The following PLEKHA5 variants were observed in gnomAD, a reference collection of about 807,000 sequenced individuals.
PLEKHA5 encodes pleckstrin homology domain-containing family A member 5.
Under a neutral mutation model 181.9 loss-of-function variants are expected in PLEKHA5, and 55 were observed. That is an observed-to-expected ratio of 0.30 (90% CI 0.24 to 0.38). The LOEUF (loss-of-function observed/expected upper bound fraction) is 0.38, where lower values mean the gene tolerates loss of function less well. PLEKHA5 is among the 10% of genes least tolerant of loss of function. The probability of loss-of-function intolerance (pLI) is 1.00; values close to 1 mark genes in which losing one functional copy is unlikely to be tolerated. For missense variants in PLEKHA5, 1,432 were observed against 1,549.5 expected (o/e 0.92, Z 1.27); for synonymous variants, 535 against 529.4 (o/e 1.01, Z -0.15).
chr12:19,203,440 A>G (rs1484149208), intron 3 of PLEKHA5, among the ~76,000 whole-genome samples: 2 of 152,042 alleles, frequency 1.3e-5, no homozygotes, highest in Non-Finnish European at 2.9e-5. Context: ...CGCATTGTCA[A>G]TACAAGTTCT....
In PLEKHA5 at chr12:19,353,058, G is replaced by C. The variant is rs992436456; in HGVS notation, c.3020-826G>C. On this transcript the variant is annotated intron_variant, in intron 25 of 31. Coordinates refer to ENST00000429027, the MANE Select transcript of PLEKHA5 (RefSeq NM_001256470.2). ...CCGCCTCAGCCTCCCAAAGTGCTAGGATTACAGGCATGAACAGAATTTTGT... is the reference window on the plus strand; with the variant it reads ...CCGCCTCAGCCTCCCAAAGTGCTAGCATTACAGGCATGAACAGAATTTTGT... Among the ~76,000 whole-genome samples, 21 of 151,988 alleles carry C rather than the reference G, an allele frequency of 1.4e-4. 1 individual carries two copies. The East Asian group carries it at 1.7e-3, about 13-fold the overall frequency.
rs1039255235 is a variant in PLEKHA5, at chr12:19,246,053, A to G, written c.228-7887A>G. Among the ~76,000 whole-genome samples the G allele has an allele frequency of 2.7e-5, 4 of 145,592 alleles. No homozygotes were observed. The Admixed American group carries it at 2.8e-4, about 10-fold the overall frequency. On this transcript the variant is annotated intron_variant, in intron 3 of 31. Transcript: ENST00000429027. ...TAGTGTAGTGGCATGATCTTGGCTC[A>G]CTGCACGCTCCATCTCCCAGGTTCA...
chr12:19,171,537 C>T (rs1014897925), intron 3 of PLEKHA5, among the ~76,000 whole-genome samples: 10 of 151,968 alleles, frequency 6.6e-5, no homozygotes, highest in African/African-American at 1.7e-4. Context: ...GGCGGTACCT[C>T]GGCAGAGACA....
rs148625566 is a variant in PLEKHA5 at position 19,324,092 on chromosome 12, C to G, written c.2448+1425C>G. ...ACTGCTCCCAAACCCTTGTCTGTAC[C>G]TTCAATGGGCTAGGGAGCAGCTATC... On this transcript the variant is annotated intron_variant, in intron 20 of 31. Transcript: ENST00000429027. 1.1e-3 allele frequency among the ~76,000 whole-genome samples: 174 copies of G among 152,208 alleles called. 1 individual carries two copies. The highest frequency in any genetic ancestry group is 4.0e-3 in the African/African-American group (167 of 41,542).
At chr12:19,310,840 T>C (rs996596405) in intron 15 of PLEKHA5, among the ~76,000 whole-genome samples, 1 of 152,138 alleles carries the variant, frequency 6.6e-6, no homozygotes, top group Non-Finnish European at 1.5e-5. Context: ...TGTATTCTGT[T>C]AAATGTGCAA....
At chr12:19,355,915 CT>C (rs2094901054) in intron 26 of PLEKHA5, among the ~76,000 whole-genome samples, 1 of 151,960 alleles carries the variant, frequency 6.6e-6, no homozygotes, top group African/African-American at 2.4e-5. Context: ...CATCCCAGCA[CT>C]TTGAGAGGCC....
intron 3 of PLEKHA5, among the ~76,000 whole-genome samples, chr12:19,181,378 G>A (rs932349328): frequency 1.3e-5 from 2 of 152,334 alleles, no homozygotes; most frequent in Non-Finnish European, 2.9e-5. Flanking sequence ...GTATAGCATT[G>A]AAATAAAGAT....
chr12:19,147,130 G>C (rs1429982374), intron 3 of PLEKHA5: 1 of 152,198 alleles, frequency 6.6e-6, no homozygotes, highest in African/African-American at 2.4e-5. Context: ...CCTGCTCAGA[G>C]TGGTTTAGAA....
intron 3 of PLEKHA5, among the ~76,000 whole-genome samples, chr12:19,202,816 C>T (rs12372773): frequency 0.84 from 127,638 of 152,010 alleles, 55,028 homozygotes; most frequent in Non-Finnish European, 0.95. Flanking sequence ...AAGTCATGAG[C>T]GAGATCCACC....
intron 16 of PLEKHA5, among the ~76,000 whole-genome samples, chr12:19,315,439 A>G (rs2088255566): frequency 6.6e-6 from 1 of 152,120 alleles, no homozygotes; most frequent in African/African-American, 2.4e-5. Context: ...ACCATTCTCA[A>G]GCAGTCGTCA....
chr12:19,369,615 G>T, intron 30 of PLEKHA5, 78 bp from the exon 31 acceptor site: 1 of 758,518 alleles, frequency 1.3e-6, no homozygotes, highest in Non-Finnish European at 2.2e-6. Flanking sequence ...ATTTTTGTGG[G>T]ATTACAGCAT....
In PLEKHA5 at chr12:19,200,509, A is replaced by T. The variant is rs935770834; in HGVS notation, c.228-53431A>T. The T allele has an allele frequency of 3.7e-5, 50 of 1,361,704 alleles. No individual in the cohort carries two copies. The African/African-American group carries it at 7.0e-4, about 19-fold the overall frequency. The allele number at this position is 1,361,704 out of a possible 1,614,324, so 84.4% of individuals were successfully genotyped here. On this transcript the variant is annotated intron_variant, in intron 3 of 31. Coordinates refer to ENST00000429027, the MANE Select transcript of PLEKHA5 (RefSeq NM_001256470.2). ...CCTATTCTCCATAACAAATGTTCCA[A>T]ATCTTTGATTACTCACCTCAGAATG... is the stretch of plus-strand genomic sequence containing the variant.
At chr12:19,302,293 C>G (rs956550074) in intron 15 of PLEKHA5, among the ~76,000 whole-genome samples, 1 of 152,220 alleles carries the variant, frequency 6.6e-6, no homozygotes, top group African/African-American at 2.4e-5. Flanking sequence ...TCCACCCACA[C>G]TGTTCAAGAA....
chr12:19,294,158 G>A (rs1390655794), intron 15 of PLEKHA5, among the ~76,000 whole-genome samples: 1 of 152,110 alleles, frequency 6.6e-6, no homozygotes, highest in Admixed American at 6.6e-5. Context: ...TGAAAACATG[G>A]TGGAGACTGC....
intron 15 of PLEKHA5, among the ~76,000 whole-genome samples, chr12:19,308,607 A>G (rs868823705): frequency 6.6e-6 from 1 of 152,182 alleles, no homozygotes; most frequent in African/African-American, 2.4e-5. Flanking sequence ...GCCATAATAG[A>G]GCCATGTAGG....
chr12:19,361,777 G>C (rs1352929377), intron 29 of PLEKHA5, 71 bp downstream of exon 29: 1 of 1,332,048 alleles, frequency 7.5e-7, no homozygotes, highest in South Asian at 1.3e-5. Flanking sequence ...GAACTTCAGA[G>C]TCAAAAGTAC....
intron 15 of PLEKHA5, among the ~76,000 whole-genome samples, chr12:19,293,407 G>A (rs181604911): frequency 5.4e-4 from 82 of 152,086 alleles, no homozygotes; most frequent in South Asian, 2.1e-3. Context: ...TCATGTATCC[G>A]AATTCCAGAT....
At chr12:19,286,626 T>C (rs2152819411) in intron 12 of PLEKHA5, among the ~76,000 whole-genome samples, 1 of 152,256 alleles carries the variant, frequency 6.6e-6, no homozygotes, top group South Asian at 2.1e-4. Flanking sequence ...TATAAAGGGA[T>C]CCTGAGGTCA....
At chr12:19,273,634 A>G (rs1316099471) in intron 10 of PLEKHA5, among the ~76,000 whole-genome samples, 2 of 152,144 alleles carry the variant, frequency 1.3e-5, no homozygotes, top group Non-Finnish European at 2.9e-5. Context: ...TCTGGAAGTG[A>G]TTAGGCTCAG....
Sources: allele counts gnomAD v4.1 joint callset (sites outside exome capture counted in the v4.1 genomes callset), GRCh38; gene constraint gnomAD v4.1.1; transcripts MANE v1.5; gene names NCBI Gene and HGNC (gene_info 2026-07-23, HGNC 2026-07-21).